Variants in SDR42E2 observed in about 807,000 individuals in gnomAD.
SDR42E2 encodes the protein short chain dehydrogenase/reductase family 42E, member 2.
In SDR42E2, 20 loss-of-function variants were observed where a neutral mutation model predicts 10.5. The ratio of observed to expected loss-of-function variants is 1.90; its 90% confidence interval spans 1.34 to 2.77. The LOEUF (loss-of-function observed/expected upper bound fraction) is 2.77, where lower values mean the gene tolerates loss of function less well. Among genes scored for constraint, SDR42E2 ranks in the 30% most tolerant of loss-of-function variants. The pLI is 0.00. For missense variants in SDR42E2, 162 were observed against 104.2 expected (o/e 1.55, Z -2.42); for synonymous variants, 72 against 39.2 (o/e 1.84, Z -3.12).
At chr16:22,165,784 G>C (rs1318972760) in intron 2 of SDR42E2, 147 bp downstream of exon 2, 1 of 401,274 alleles carries the variant, frequency 2.5e-6, no homozygotes, top group East Asian at 3.6e-5. Context: ...ACCTCAGGCG[G>C]GTTCTGGTAC....
Position 22,167,009 on chromosome 16 carries a change from T to C in SDR42E2, c.336+10T>C, listed in dbSNP as rs2046547441. The C allele has an allele frequency of 1.4e-6, 1 of 701,990 alleles. No individual in the cohort carries two copies. 43.5% of individuals were successfully genotyped at this position (701,990 alleles called of 1,614,324 possible). On this transcript the variant is annotated intron_variant, in intron 4 of 12. Transcript: ENST00000602312. ...GTCCGGGGCTGAGAAGGTGGGCTCC[T>C]CACACACAACACCTGGAGTTAGACA...
intron 6 of SDR42E2, among the ~76,000 whole-genome samples, 196 bp downstream of exon 6, chr16:22,171,147 G>A (rs1344938519): frequency 1.3e-5 from 2 of 152,236 alleles, no homozygotes; most frequent in African/African-American, 4.8e-5. Flanking sequence ...AATCAGACAG[G>A]TCTGGCCTTA....
chr16:22,178,090 C>A (rs768493358), intron 7 of SDR42E2, 40 bp from the exon 8 acceptor site: 10 of 697,006 alleles, frequency 1.4e-5, no homozygotes, highest in Non-Finnish European at 2.6e-6. Flanking sequence ...CTGTGGGCTG[C>A]TCCTCCCCTG....
chr16:22,188,204 A>C (rs922276393), intron 12 of SDR42E2, among the ~76,000 whole-genome samples: 15 of 135,336 alleles, frequency 1.1e-4, no homozygotes, highest in Non-Finnish European at 4.6e-5. Context: ...ATGATGAAAA[A>C]TTGAGCACTA....
At chr16:22,189,382 G>A (rs184652809) in intron 12 of SDR42E2, among the ~76,000 whole-genome samples, 117 of 152,268 alleles carry the variant, frequency 7.7e-4, no homozygotes, top group Non-Finnish European at 1.5e-3. Flanking sequence ...TGCGACCCCA[G>A]GCAAGTCACT....
chr16:22,168,693 T>G (rs1239528003), intron 4 of SDR42E2, among the ~76,000 whole-genome samples: 1 of 151,960 alleles, frequency 6.6e-6, no homozygotes, highest in Non-Finnish European at 1.5e-5. Flanking sequence ...ACCAACATGA[T>G]GAAACCCCAT....
intron 10 of SDR42E2, among the ~76,000 whole-genome samples, chr16:22,183,463 C>T (rs186157242): frequency 1.1e-3 from 174 of 152,268 alleles, no homozygotes; most frequent in African/African-American, 3.9e-3. Context: ...GAGACAAAAG[C>T]GCAAGGGAGG....
At chr16:22,178,003 A>G (rs2046659310) in intron 7 of SDR42E2, 127 bp from the exon 8 acceptor site, 1 of 583,030 alleles carries the variant, frequency 1.7e-6, no homozygotes, top group African/African-American at 1.9e-5. Context: ...TGAACGAGGA[A>G]GCCCCTGGGC....
chr16:22,163,088 T>G (rs569009687), intron 1 of SDR42E2, among the ~76,000 whole-genome samples: 1 of 152,300 alleles, frequency 6.6e-6, no homozygotes, highest in African/African-American at 2.4e-5. Context: ...GCGTCTGTTT[T>G]CTCATGACCA....
intron 8 of SDR42E2, among the ~76,000 whole-genome samples, chr16:22,180,335 G>C (rs1479234272): frequency 6.6e-6 from 1 of 152,068 alleles, no homozygotes. Flanking sequence ...AGGATTTCAA[G>C]GCAGCAGTGA....
At chr16:22,165,421 A>G (rs981119765) in intron 1 of SDR42E2, among the ~76,000 whole-genome samples, 126 bp from the exon 2 acceptor site, 28 of 152,328 alleles carry the variant, frequency 1.8e-4, no homozygotes, top group African/African-American at 4.8e-5. Context: ...TGAAAGGGGC[A>G]GGTTCCCTGG....
At chr16:22,168,928 G>T (rs1312868308) in intron 4 of SDR42E2, among the ~76,000 whole-genome samples, 1 of 152,108 alleles carries the variant, frequency 6.6e-6, no homozygotes, top group African/African-American at 2.4e-5. Context: ...CTCATCTCCT[G>T]GTGTGATGAG....
At chr16:22,172,503 T>C (rs1158774199) in intron 7 of SDR42E2, among the ~76,000 whole-genome samples, 172 bp downstream of exon 7, 1 of 152,216 alleles carries the variant, frequency 6.6e-6, no homozygotes, top group African/African-American at 2.4e-5. Context: ...ACCTGCTGTG[T>C]GGCTGCACCC....
At chr16:22,189,212 C>G (rs564957379) in intron 12 of SDR42E2, among the ~76,000 whole-genome samples, 1 of 152,132 alleles carries the variant, frequency 6.6e-6, no homozygotes, top group South Asian at 2.1e-4. Context: ...CAGGTTTGAC[C>G]CCAGGGGCTG....
At chr16:22,173,526 G>A (rs918948332) in intron 7 of SDR42E2, among the ~76,000 whole-genome samples, 2 of 151,936 alleles carry the variant, frequency 1.3e-5, no homozygotes, top group African/African-American at 2.4e-5. Context: ...CACCACACCT[G>A]GCCCCATTCT....
At chr16:22,184,266 G>T (rs1055289091) in intron 11 of SDR42E2, 22 bp downstream of exon 11, 6 of 401,114 alleles carry the variant, frequency 1.5e-5, no homozygotes, top group African/African-American at 1.2e-4. Context: ...AGTGTGCGTA[G>T]TAAAGCCCTC....
At chr16:22,176,030 C>G (rs1402201535) in intron 7 of SDR42E2, among the ~76,000 whole-genome samples, 1 of 151,570 alleles carries the variant, frequency 6.6e-6, no homozygotes, top group African/African-American at 2.4e-5. Flanking sequence ...TTCTAAAACT[C>G]TTTTTTAAAA....
At chr16:22,178,062 G>A in intron 7 of SDR42E2, 68 bp from the exon 8 acceptor site, 1 of 675,646 alleles carries the variant, frequency 1.5e-6, no homozygotes, top group Middle Eastern at 2.4e-4. Flanking sequence ...GATGGAGGTG[G>A]CCTCTCTCTC....
In SDR42E2 at chr16:22,190,752, A is replaced by G; in HGVS notation, c.*359A>G. 1 of 233,286 alleles carries G rather than the reference A, an allele frequency of 4.3e-6. No homozygotes were observed. The highest frequency in any genetic ancestry group is 8.1e-6 in the Non-Finnish European group (1 of 123,416). The allele number at this position is 233,286 out of a possible 1,614,324, so 14.5% of individuals were successfully genotyped here. A position where few individuals can be genotyped will look rare whatever the true frequency, so the allele number is the denominator to read the frequency against. ...GCCCCGAGTCTCTTTCCATGTTTTG[A>G]CCACGCCCTTGACCCGCCCTTCAAA... On this transcript the variant is annotated 3_prime_UTR_variant, in exon 13 of 13. Transcript: ENST00000602312.
Sources: allele counts gnomAD v4.1 joint callset (sites outside exome capture counted in the v4.1 genomes callset), GRCh38; gene constraint gnomAD v4.1.1; transcripts MANE v1.5; gene names NCBI Gene and HGNC (gene_info 2026-07-23, HGNC 2026-07-21).